The following SNTG2 variants were observed in gnomAD, a reference collection of about 807,000 sequenced individuals.
The protein encoded by SNTG2 is syntrophin gamma 2.
In SNTG2, 74 loss-of-function variants were observed where a neutral mutation model predicts 70.9. That is an observed-to-expected ratio of 1.04 (90% CI 0.86 to 1.27). The LOEUF (loss-of-function observed/expected upper bound fraction) is 1.27, where lower values mean the gene tolerates loss of function less well. Ranked by LOEUF, SNTG2 falls within the 50% of genes most tolerant of loss-of-function variation. SNTG2 has a pLI of 0.00. For missense variants in SNTG2, 717 were observed against 690.7 expected (o/e 1.04, Z -0.43); for synonymous variants, 278 against 273.8 (o/e 1.02, Z -0.15).
At chr2:1,163,043 C>T (rs1465434724) in intron 6 of SNTG2, among the ~76,000 whole-genome samples, 3 of 152,192 alleles carry the variant, frequency 2.0e-5, no homozygotes. Context: ...GACAGGAAGG[C>T]AGTGCTGCAG....
intron 1 of SNTG2, among the ~76,000 whole-genome samples, chr2:974,928 TC>T (rs1343059940): frequency 6.6e-6 from 1 of 152,176 alleles, no homozygotes; most frequent in Non-Finnish European, 1.5e-5. Context: ...AAATAAAATC[TC>T]ATCTATCCTA....
chr2:1,044,497 G>A (rs974358236), intron 1 of SNTG2, among the ~76,000 whole-genome samples: 1 of 152,124 alleles, frequency 6.6e-6, no homozygotes, highest in Non-Finnish European at 1.5e-5. Flanking sequence ...TCTGGTTTTT[G>A]CTCATTCAGT....
chr2:1,087,191 G>A (rs992120579), intron 2 of SNTG2, among the ~76,000 whole-genome samples: 9 of 152,190 alleles, frequency 5.9e-5, no homozygotes, highest in Non-Finnish European at 1.5e-5. Context: ...TAAAAAGACA[G>A]CGGCACTTCC....
At chr2:1,212,522 TAAGAC>T (rs1475654832) in intron 9 of SNTG2, among the ~76,000 whole-genome samples, 1 of 152,238 alleles carries the variant, frequency 6.6e-6, no homozygotes, top group Non-Finnish European at 1.5e-5. Context: ...TAATTTTTCA[TAAGAC>T]AAGAATATTT....
In SNTG2 at chr2:1,124,854, G is replaced by A. The variant is rs78525672; in HGVS notation, c.326-12768G>A. Among the ~76,000 whole-genome samples, 925 of 152,240 alleles carry A rather than the reference G, an allele frequency of 6.1e-3. 8 individuals carry two copies. The highest frequency in any genetic ancestry group is 0.011 in the Non-Finnish European group (776 of 68,006). On this transcript the variant is annotated intron_variant, in intron 4 of 16. Transcript: ENST00000308624. ...CAAAGCCGTGCACAAGTAGGCGAGC[G>A]AGTTGAGAGGTCCAGTGCTCAGCAT...
chr2:1,016,768 C>T (rs183310257), intron 1 of SNTG2, among the ~76,000 whole-genome samples: 1 of 152,324 alleles, frequency 6.6e-6, no homozygotes, highest in Non-Finnish European at 1.5e-5. Flanking sequence ...TTATGTGTGA[C>T]ACATATTCAC....
intron 1 of SNTG2, among the ~76,000 whole-genome samples, chr2:952,629 T>C (rs1236985788): frequency 6.6e-6 from 1 of 151,718 alleles, no homozygotes; most frequent in Admixed American, 6.6e-5. Flanking sequence ...CTTGATTATT[T>C]GAAACAGCCT....
At chr2:1,286,183 C>T (rs933448813) in intron 14 of SNTG2, among the ~76,000 whole-genome samples, 1 of 152,132 alleles carries the variant, frequency 6.6e-6, no homozygotes, top group East Asian at 1.9e-4. Flanking sequence ...AACATAATGT[C>T]GAGGGAACTG....
intron 1 of SNTG2, among the ~76,000 whole-genome samples, chr2:1,081,109 A>T (rs1664259872): frequency 6.6e-6 from 1 of 152,098 alleles, no homozygotes. Context: ...TCCGCAGGCC[A>T]CGGCGTCCTG....
intron 9 of SNTG2, among the ~76,000 whole-genome samples, chr2:1,217,397 C>T (rs1330296575): frequency 6.6e-6 from 1 of 152,124 alleles, no homozygotes; most frequent in African/African-American, 2.4e-5. Flanking sequence ...TCATTGGCTA[C>T]ACAGTACGAG....
At chr2:1,169,855 A>G (rs1291479834) in intron 7 of SNTG2, among the ~76,000 whole-genome samples, 3 of 152,220 alleles carry the variant, frequency 2.0e-5, no homozygotes, top group Non-Finnish European at 4.4e-5. Context: ...CTGAGTCCCC[A>G]TTAATTCAAT....
At chr2:1,017,169 G>A (rs1659921483) in intron 1 of SNTG2, among the ~76,000 whole-genome samples, 1 of 152,046 alleles carries the variant, frequency 6.6e-6, no homozygotes, top group Admixed American at 6.6e-5. Flanking sequence ...GTAATTTGGT[G>A]TCTTATTGCC....
intron 1 of SNTG2, among the ~76,000 whole-genome samples, chr2:1,004,684 G>A (rs754190408): frequency 3.7e-4 from 56 of 152,180 alleles, no homozygotes; most frequent in Admixed American, 7.2e-4. Flanking sequence ...GATGTGGAGC[G>A]ATGGGGACTC....
At chr2:1,151,488 C>T (rs1316714975) in intron 6 of SNTG2, among the ~76,000 whole-genome samples, 6 of 152,296 alleles carry the variant, frequency 3.9e-5, no homozygotes, top group Middle Eastern at 3.4e-3. Context: ...AACCCAGCCT[C>T]GCTCTTTCTG....
intron 7 of SNTG2, among the ~76,000 whole-genome samples, chr2:1,169,666 G>A (rs924461584): frequency 1.3e-5 from 2 of 152,158 alleles, no homozygotes; most frequent in East Asian, 1.9e-4. Context: ...TGCAGGCTCC[G>A]GGGTCCATTG....
chr2:1,031,528 A>ATATATATATATATTTTTTTTT, intron 1 of SNTG2, among the ~76,000 whole-genome samples: 27 of 59,116 alleles, frequency 4.6e-4, no homozygotes, highest in African/African-American at 1.6e-3. Context: ...ATATATATAT[A>ATATATATATATATTTTTTTTT]TTTTTTTTTT....
intron 9 of SNTG2, among the ~76,000 whole-genome samples, chr2:1,216,266 A>G (rs1293796821): frequency 1.3e-5 from 2 of 152,128 alleles, no homozygotes; most frequent in African/African-American, 4.8e-5. Context: ...GTGAGATGGT[A>G]TCTCATTGTG....
At chr2:1,172,421 C>A (rs1478179486) in intron 7 of SNTG2, among the ~76,000 whole-genome samples, 1 of 152,284 alleles carries the variant, frequency 6.6e-6, no homozygotes, top group South Asian at 2.1e-4. Flanking sequence ...TATAGTCCAG[C>A]CTGAAGATAT....
intron 1 of SNTG2, among the ~76,000 whole-genome samples, chr2:1,058,332 A>G (rs1434852530): frequency 6.6e-6 from 1 of 151,682 alleles, no homozygotes; most frequent in Non-Finnish European, 1.5e-5. Context: ...TAGGCATTGG[A>G]TTTTTTTTTA....
Sources: gnomAD v4.1 joint callset for allele counts (sites outside exome capture counted in the v4.1 genomes callset) on GRCh38, gnomAD v4.1.1 for gene constraint, MANE v1.5 for transcripts, NCBI Gene and HGNC (gene_info 2026-07-23, HGNC 2026-07-21) for gene names.